The following PSME4 variants were observed in gnomAD, a reference collection of about 807,000 sequenced individuals.
The protein encoded by PSME4 is proteasome activator subunit 4.
PSME4 carries 89 observed loss-of-function variants against 253.9 expected under a neutral mutation model. That is an observed-to-expected ratio of 0.35 (90% confidence interval 0.30 to 0.42). The LOEUF (loss-of-function observed/expected upper bound fraction) is 0.42. Ranked by LOEUF, PSME4 falls within the 10% of genes least tolerant of loss-of-function variation. The pLI is 1.00. For synonymous variants in PSME4, 851 were observed against 759.2 expected (o/e 1.12, Z -1.99); for missense variants, 2,014 against 2,195.2 (o/e 0.92, Z 1.65).
chr2:53,916,280 G>A (rs977408705), intron 20 of PSME4, among the ~76,000 whole-genome samples: 1 of 150,690 alleles, frequency 6.6e-6, no homozygotes, highest in African/African-American at 2.4e-5. Context: ...ATTGCTATGT[G>A]CGTCTAAAAA....
chr2:53,947,453 C>G (rs530600466), intron 3 of PSME4, among the ~76,000 whole-genome samples: 2 of 152,316 alleles, frequency 1.3e-5, no homozygotes, highest in South Asian at 4.1e-4. Context: ...CGCCTGTAAT[C>G]CCAGCACTTT....
Position 53,920,968 on chromosome 2 carries a change from G to C in PSME4, c.2183C>G (p.Thr728Ser), listed in dbSNP as rs778881013. 2.5e-5 allele frequency: 41 copies of C among 1,613,914 alleles called. No homozygotes were observed. The highest frequency in any genetic ancestry group is 1.6e-4 in the Middle Eastern group (1 of 6,082). Residue 728 changes from threonine to serine, a missense_variant, in exon 18 of 47, where the codon ACC (threonine) becomes AGC (serine). Thr to Ser is a moderately conservative substitution (Grantham distance 58). This residue lies in a region of PSME4 where 989 missense variants were observed against 1,021.1 expected (regional missense o/e 0.97). Transcript: ENST00000404125. ...CNLLHHLLRS[T>S]TLIYPTEYCS... ...GTATTCTGTAGGGTAGATAAGTGTG[G>C]TAGAACGGAGAAGATGATGCAAAAG...
Position 53,956,595 on chromosome 2 carries a change from T to C in PSME4, c.243-7312A>G, listed in dbSNP as rs1670246373. 3.3e-5 allele frequency among the ~76,000 whole-genome samples: 5 copies of C among 151,874 alleles called. 1 individual carries two copies. Among genetic ancestry groups the C allele is most frequent in the African/African-American group, 1.2e-4 (5 of 41,368 alleles). On this transcript the variant is annotated intron_variant, in intron 1 of 46. Coordinates refer to ENST00000404125, the MANE Select transcript of PSME4 (RefSeq NM_014614.3). ...TTATTATTCTATATATTTTTTGAGATGGAGTCTCTCTCTGTTGCCCAAGCT... is the reference window on the plus strand; with the variant it reads ...TTATTATTCTATATATTTTTTGAGACGGAGTCTCTCTCTGTTGCCCAAGCT...
At chr2:53,910,004 T>G (rs980541139) in intron 21 of PSME4, 71 bp downstream of exon 21, 3 of 1,231,958 alleles carry the variant, frequency 2.4e-6, no homozygotes, top group Middle Eastern at 2.3e-4. Context: ...ACTTCATACT[T>G]CATTTTAGTC....
At chr2:53,967,566 A>T (rs1420908110) in intron 1 of PSME4, among the ~76,000 whole-genome samples, 1 of 135,816 alleles carries the variant, frequency 7.4e-6, no homozygotes, top group Admixed American at 8.3e-5. Flanking sequence ...CGTTTGAACC[A>T]GGGAGGTGGA....
Position 53,920,954 on chromosome 2 carries a change from G to A in PSME4, c.2197C>T (p.Pro733Ser). ...HLLRSTTLIYPTEYCSVPGGF... is the reference protein window; with the variant it reads ...HLLRSTTLIYSTEYCSVPGGF... ...CCTGGCACACTGCAGTATTCTGTAG[G>A]GTAGATAAGTGTGGTAGAACGGAGA... The change falls in exon 18 of 47, where the codon CCT becomes TCT. Residue 733 changes from proline to serine, a missense_variant. Around this residue, in one of 4 missense-constraint regions of PSME4, gnomAD observed 989 missense variants for 1,021.1 expected, o/e 0.97. Coordinates refer to ENST00000404125, the MANE Select transcript of PSME4 (RefSeq NM_014614.3). The A allele has an allele frequency of 6.2e-7, 1 of 1,613,936 alleles. No individual in the cohort carries two copies.
intron 10 of PSME4, among the ~76,000 whole-genome samples, chr2:53,930,258 G>T (rs1280232357): frequency 6.6e-6 from 1 of 152,052 alleles, no homozygotes; most frequent in East Asian, 1.9e-4. Context: ...TATAAGCTTT[G>T]TTCTTTCTAC....
At chr2:53,893,629 T>C in intron 35 of PSME4, 45 bp downstream of exon 35, 7 of 1,592,766 alleles carry the variant, frequency 4.4e-6, no homozygotes, top group Middle Eastern at 3.4e-4. Context: ...ACGAACTGAA[T>C]AGTTACTAAG....
At chr2:53,880,264 T>G (rs1679321120) in intron 41 of PSME4, among the ~76,000 whole-genome samples, 1 of 152,110 alleles carries the variant, frequency 6.6e-6, no homozygotes, top group African/African-American at 2.4e-5. Context: ...GAGAGCAGCC[T>G]GGGCCACTAC....
At chr2:53,970,260 C>A (rs1447267256) in intron 1 of PSME4, among the ~76,000 whole-genome samples, 1 of 152,164 alleles carries the variant, frequency 6.6e-6, no homozygotes, top group Admixed American at 6.5e-5. Context: ...TTGGGCTACC[C>A]AGGGCCCCCC....
intron 21 of PSME4, 47 bp from the exon 22 acceptor site, chr2:53,908,887 T>C (rs749370819): frequency 2.1e-6 from 3 of 1,401,762 alleles, no homozygotes; most frequent in Non-Finnish European, 3.0e-6. Flanking sequence ...TGAATGCTCC[T>C]CAGACTTTTA....
At chr2:53,957,836 A>G (rs572455403) in intron 1 of PSME4, among the ~76,000 whole-genome samples, 5 of 152,194 alleles carry the variant, frequency 3.3e-5, no homozygotes, top group Non-Finnish European at 7.3e-5. Flanking sequence ...GCAAAACTTT[A>G]TGTGCTTAAT....
chr2:53,920,091 A>G (rs1191580069), intron 19 of PSME4, 102 bp downstream of exon 19: 1 of 1,080,444 alleles, frequency 9.3e-7, no homozygotes, highest in East Asian at 2.4e-5. Context: ...CAGATTTTCA[A>G]AACACAATTG....
intron 37 of PSME4, 127 bp downstream of exon 37, chr2:53,889,977 T>TA (rs898051730): frequency 2.7e-6 from 2 of 735,236 alleles, no homozygotes; most frequent in African/African-American, 3.6e-5. Context: ...AAATAAAAAA[T>TA]AAAAACAATT....
chr2:53,938,467 T>C (rs1669229002), intron 4 of PSME4, among the ~76,000 whole-genome samples: 1 of 151,234 alleles, frequency 6.6e-6, no homozygotes, highest in African/African-American at 2.4e-5. Flanking sequence ...AAATACACCT[T>C]AATGGGCTTT....
Position 53,925,577 on chromosome 2 carries a change from T to C in PSME4, c.1771A>G (p.Ser591Gly). The C allele has an allele frequency of 1.2e-6, 2 of 1,600,502 alleles. No individual in the cohort carries two copies. Among genetic ancestry groups the C allele is most frequent in the Middle Eastern group, 1.7e-4 (1 of 6,028 alleles). ...LVELGLSSTF[S>G]TILTQCSKEI... Reference sequence around the variant, plus strand: ...TTGGAACATTGGGTGAGGATTGTACTAAACGTAGAAGACAGACCTAATTCG... The same window carrying C: ...TTGGAACATTGGGTGAGGATTGTACCAAACGTAGAAGACAGACCTAATTCG... Residue 591 changes from serine (S) to glycine (G), a missense_variant, in exon 14 of 47, where the codon AGT becomes GGT. Around this residue, in one of 4 missense-constraint regions of PSME4, gnomAD observed 989 missense variants for 1,021.1 expected, o/e 0.97. Transcript: ENST00000404125.
At chr2:53,916,972 C>A (rs1383128540) in intron 20 of PSME4, among the ~76,000 whole-genome samples, 2 of 151,750 alleles carry the variant, frequency 1.3e-5, no homozygotes, top group African/African-American at 4.8e-5. Context: ...CCCACAGATA[C>A]ATGTAACTAA....
At chr2:53,900,642 T>C (rs1368223037) in intron 28 of PSME4, among the ~76,000 whole-genome samples, 1 of 152,252 alleles carries the variant, frequency 6.6e-6, no homozygotes, top group Non-Finnish European at 1.5e-5. Flanking sequence ...GTGATATTTA[T>C]GATATGTGAA....
chr2:53,879,697 A>G (rs1679288838), intron 41 of PSME4, among the ~76,000 whole-genome samples: 1 of 151,302 alleles, frequency 6.6e-6, no homozygotes, highest in African/African-American at 2.4e-5. Flanking sequence ...ACACTAATCA[A>G]CTCAGTAACA....
Sources: allele counts gnomAD v4.1 joint callset (sites outside exome capture counted in the v4.1 genomes callset), GRCh38; gene constraint gnomAD v4.1.1; regional missense constraint gnomAD v4.1.1; transcripts MANE v1.5; gene names NCBI Gene and HGNC (gene_info 2026-07-23, HGNC 2026-07-21).